Variants in TENM4 observed in about 807,000 individuals in gnomAD.
TENM4 encodes the protein teneurin-4.
In TENM4, 82 loss-of-function variants were observed where a neutral mutation model predicts 243.3. The ratio of observed to expected loss-of-function variants is 0.34; its 90% CI spans 0.28 to 0.40. The LOEUF (loss-of-function observed/expected upper bound fraction) is 0.40, where lower values mean the gene tolerates loss of function less well. TENM4 is among the 10% of genes least tolerant of loss of function. TENM4 has a pLI of 1.00. For synonymous variants in TENM4, 1,412 were observed against 1,456.3 expected (o/e 0.97, Z 0.69); for missense variants, 3,138 against 3,673.3 (o/e 0.85, Z 3.77).
intron 6 of TENM4, among the ~76,000 whole-genome samples, chr11:78,942,475 C>T (rs1321463370): frequency 6.6e-6 from 1 of 150,828 alleles, no homozygotes; most frequent in African/African-American, 2.4e-5. Context: ...CAAATAAGGT[C>T]TCATAATTTT....
chr11:78,933,868 C>T (rs1468377329), intron 6 of TENM4, among the ~76,000 whole-genome samples: 1 of 152,134 alleles, frequency 6.6e-6, no homozygotes, highest in African/African-American at 2.4e-5. Flanking sequence ...CCCTTCTGTG[C>T]TTTATAAAGA....
intron 6 of TENM4, among the ~76,000 whole-genome samples, chr11:78,998,538 A>G (rs1043044581): frequency 1.7e-4 from 26 of 152,020 alleles, no homozygotes; most frequent in African/African-American, 5.6e-4. Flanking sequence ...GCATATAATG[A>G]TCTCCGAAGT....
intron 2 of TENM4, among the ~76,000 whole-genome samples, chr11:79,288,747 G>C (rs1017439660): frequency 8.5e-5 from 13 of 152,192 alleles, no homozygotes; most frequent in African/African-American, 3.1e-4. Flanking sequence ...TGTTTGTATG[G>C]AGGCTAGAGA....
chr11:79,420,487 G>A (rs1454422535), intron 1 of TENM4, among the ~76,000 whole-genome samples: 2 of 152,172 alleles, frequency 1.3e-5, no homozygotes, highest in African/African-American at 2.4e-5. Context: ...TCTTGTGAGA[G>A]TGCTAAAAAT....
intron 1 of TENM4, among the ~76,000 whole-genome samples, chr11:79,387,377 T>A (rs1858139179): frequency 6.6e-6 from 1 of 152,224 alleles, no homozygotes; most frequent in South Asian, 2.1e-4. Flanking sequence ...GTTGGGCAGT[T>A]TTCTTTATGC....
At chr11:79,091,450 C>T (rs191381100) in intron 4 of TENM4, among the ~76,000 whole-genome samples, 2 of 152,236 alleles carry the variant, frequency 1.3e-5, no homozygotes, top group African/African-American at 2.4e-5. Context: ...CATTCCTCTA[C>T]CCTGCGGAGG....
At chr11:78,940,632 C>T (rs670342) in intron 6 of TENM4, among the ~76,000 whole-genome samples, 26,730 of 152,172 alleles carry the variant, frequency 0.18, 3,515 homozygotes, top group East Asian at 0.64. Context: ...ATTAACATTC[C>T]TCCTGGGAGA....
intron 1 of TENM4, among the ~76,000 whole-genome samples, chr11:79,382,385 T>G (rs1052802231): frequency 6.6e-6 from 1 of 152,192 alleles, no homozygotes; most frequent in African/African-American, 2.4e-5. Context: ...TGTGCAGGCT[T>G]CGCTTTCGGT....
In TENM4 at chr11:79,156,745, A is replaced by G. The variant is rs564042699; in HGVS notation, c.-162-7939T>C. On this transcript the variant is annotated intron_variant, in intron 3 of 33. Transcript: ENST00000278550. The stretch of plus-strand genomic sequence containing the variant: ...GTCTCCTGTGAATGCCTACCAGTCT[A>G]AGGTGCTCTGGGACAAAGAAAAAAT... Among the ~76,000 whole-genome samples the G allele has an allele frequency of 2.6e-5, 4 of 152,330 alleles. No homozygotes were observed. The South Asian group carries it at 8.3e-4, about 32-fold the overall frequency.
intron 32 of TENM4, among the ~76,000 whole-genome samples, chr11:78,663,352 T>C (rs760936155): frequency 6.6e-6 from 1 of 152,210 alleles, no homozygotes; most frequent in African/African-American, 2.4e-5. Context: ...GTTTGAATAT[T>C]TGTCCCCTCC....
At chr11:78,872,188 C>T (rs966033005) in intron 9 of TENM4, among the ~76,000 whole-genome samples, 3 of 152,200 alleles carry the variant, frequency 2.0e-5, no homozygotes, top group African/African-American at 7.2e-5. Flanking sequence ...TCTTGTCACA[C>T]TGTCATCAAG....
chr11:79,200,497 G>A lies in TENM4; in HGVS notation c.-163+15311C>T, dbSNP rs34489229. On this transcript the variant is annotated intron_variant, in intron 3 of 33. Coordinates refer to ENST00000278550, the MANE Select transcript of TENM4 (RefSeq NM_001098816.3). ...TCCCAGAGCAAACTTGGCCCAGGAA[G>A]GGCAAGGGTCATCCAAAGTCACACA... is the stretch of plus-strand genomic sequence containing the variant. Among the ~76,000 whole-genome samples, 1,222 of 152,356 alleles carry A rather than the reference G, an allele frequency of 8.0e-3. 5 individuals are homozygous for A. The highest frequency in any genetic ancestry group is 0.013 in the Non-Finnish European group (918 of 68,030).
At chr11:79,301,254 A>G (rs1380010335) in intron 1 of TENM4, among the ~76,000 whole-genome samples, 1 of 152,166 alleles carries the variant, frequency 6.6e-6, no homozygotes, top group Non-Finnish European at 1.5e-5. Flanking sequence ...TTTTCCTCAC[A>G]AGGCTGCTTC....
chr11:78,894,099 TACA>T (rs1855734241), intron 7 of TENM4, among the ~76,000 whole-genome samples: 1 of 152,170 alleles, frequency 6.6e-6, no homozygotes, highest in Non-Finnish European at 1.5e-5. Flanking sequence ...ATGCCCGGCA[TACA>T]GCAGGCACAT....
chr11:78,982,098 C>T (rs1268980212), intron 6 of TENM4, among the ~76,000 whole-genome samples: 2 of 152,158 alleles, frequency 1.3e-5, no homozygotes, highest in Non-Finnish European at 2.9e-5. Context: ...ATAATAATAT[C>T]CGCTTTGCAG....
chr11:79,177,505 A>C (rs1378802407), intron 3 of TENM4, among the ~76,000 whole-genome samples: 2 of 152,108 alleles, frequency 1.3e-5, no homozygotes, highest in Non-Finnish European at 2.9e-5. Flanking sequence ...GATCAAGAAT[A>C]AACAGACAAA....
At chr11:78,996,277 A>G (rs1308751711) in intron 6 of TENM4, among the ~76,000 whole-genome samples, 3 of 152,114 alleles carry the variant, frequency 2.0e-5, no homozygotes, top group Non-Finnish European at 2.9e-5. Context: ...TCCCTATTGG[A>G]ACACTCTTGA....
intron 19 of TENM4, among the ~76,000 whole-genome samples, chr11:78,740,891 C>T (rs2135910218): frequency 6.6e-6 from 1 of 152,314 alleles, no homozygotes; most frequent in South Asian, 2.1e-4. Context: ...TACCATGTAG[C>T]CTCCAACTTG....
intron 12 of TENM4, among the ~76,000 whole-genome samples, chr11:78,830,622 C>T (rs367840160): frequency 2.9e-4 from 44 of 152,186 alleles, no homozygotes; most frequent in Admixed American, 2.7e-3. Context: ...GGCCGCTGCT[C>T]GGGTCATCTG....
Sources: gnomAD v4.1 joint callset for allele counts (sites outside exome capture counted in the v4.1 genomes callset) on GRCh38, gnomAD v4.1.1 for gene constraint, MANE v1.5 for transcripts, NCBI Gene and HGNC (gene_info 2026-07-23, HGNC 2026-07-21) for gene names.